The following KIF1B variants were observed in gnomAD, a reference collection of about 807,000 sequenced individuals.
The protein encoded by KIF1B is kinesin-like protein KIF1B.
In KIF1B, 76 loss-of-function variants were observed where a neutral mutation model predicts 241.9. The observed-to-expected ratio is 0.31, with a 90% confidence interval of 0.26 to 0.38. KIF1B has a LOEUF of 0.38. Ranked by LOEUF, KIF1B falls within the 10% of genes least tolerant of loss-of-function variation. KIF1B has a pLI of 1.00. For missense variants in KIF1B, 1,622 were observed against 2,271.4 expected (o/e 0.71, Z 5.81); for synonymous variants, 750 against 796.7 (o/e 0.94, Z 0.99).
At chr1:10,305,408 GAC>G in intron 22 of KIF1B, 1 of 1,054,442 alleles carries the variant, frequency 9.5e-7, no homozygotes, top group Non-Finnish European at 1.1e-6. Context: ...TGTATCATTT[GAC>G]ACACATGCAC....
At chr1:10,286,134 G>C (rs758437129) in intron 15 of KIF1B, among the ~76,000 whole-genome samples, 3 of 151,968 alleles carry the variant, frequency 2.0e-5, no homozygotes, top group Non-Finnish European at 2.9e-5. Context: ...CCGCCTCCCA[G>C]GTTCAAGCAA....
At chr1:10,357,779 C>T (rs138203138) in intron 38 of KIF1B, among the ~76,000 whole-genome samples, 1,795 of 151,878 alleles carry the variant, frequency 0.012, 36 homozygotes, top group African/African-American at 0.04. Flanking sequence ...GAGGCCGAGG[C>T]GGGTGGATCA....
chr1:10,278,293 A>G (rs946406459), intron 13 of KIF1B, among the ~76,000 whole-genome samples, 165 bp downstream of exon 13: 4 of 152,206 alleles, frequency 2.6e-5, no homozygotes, highest in Non-Finnish European at 5.9e-5. Context: ...AAAAAACCCA[A>G]TGGAAATGAT....
intron 22 of KIF1B, among the ~76,000 whole-genome samples, chr1:10,316,437 GT>G (rs1557709793): frequency 6.6e-6 from 1 of 151,418 alleles, no homozygotes; most frequent in Non-Finnish European, 1.5e-5. Flanking sequence ...ACTTTGGATC[GT>G]ATGCATATCC....
intron 7 of KIF1B, among the ~76,000 whole-genome samples, chr1:10,270,076 T>C (rs570285478): frequency 7.2e-5 from 11 of 152,338 alleles, no homozygotes; most frequent in Admixed American, 3.9e-4. Flanking sequence ...TACAGTGTTA[T>C]TGAGGTATTA....
At chr1:10,362,421 A>G (rs545069599) in intron 40 of KIF1B, among the ~76,000 whole-genome samples, 15 of 151,752 alleles carry the variant, frequency 9.9e-5, no homozygotes, top group African/African-American at 3.6e-4. Context: ...GGTTGCAGTG[A>G]GCCATGATAG....
chr1:10,322,228 A>G (rs1651552037), intron 24 of KIF1B, among the ~76,000 whole-genome samples: 3 of 152,070 alleles, frequency 2.0e-5, no homozygotes, highest in Admixed American at 2.0e-4. Context: ...TTTGCCATTG[A>G]TCTGCTTCTC....
intron 1 of KIF1B, among the ~76,000 whole-genome samples, chr1:10,215,409 CAGG>C (rs1646755890): frequency 1.3e-5 from 2 of 151,542 alleles, no homozygotes; most frequent in African/African-American, 4.9e-5. Flanking sequence ...CTCCCGACCT[CAGG>C]TGATCCACCC....
At position 10,339,869 on chromosome 1, in the gene KIF1B, A is replaced by C. The variant is rs773664561; in HGVS notation, c.3513+10A>C. ...TTATCATGTGCAGAATGTAAGTGAC[A>C]TGGACCTTTTTGCCAAACATATGTT... On this transcript the variant is annotated intron_variant, in intron 32 of 48. Transcript: ENST00000676179. The C allele has an allele frequency of 6.2e-7, 1 of 1,611,266 alleles. No individual in the cohort carries two copies. Among genetic ancestry groups the C allele is most frequent in the Non-Finnish European group, 8.5e-7 (1 of 1,177,438 alleles).
chr1:10,218,328 T>C (rs1646795806), intron 1 of KIF1B, among the ~76,000 whole-genome samples: 2 of 152,172 alleles, frequency 1.3e-5, no homozygotes, highest in South Asian at 2.1e-4. Context: ...AACTTTTGGC[T>C]ACTTCTGTTT....
At position 10,377,212 on chromosome 1, in the gene KIF1B, T is replaced by C. The variant is rs1351487618; in HGVS notation, c.*625T>C. On this transcript the variant is annotated 3_prime_UTR_variant, in exon 49 of 49. Transcript: ENST00000676179. ...TTCAGGGAAAAGGTGGTAGTGAGCA[T>C]AGAACTGCAACAGTTATATTCTGAG... The C allele has an allele frequency of 4.2e-6, 1 of 235,502 alleles. No homozygotes were observed. 14.6% of individuals were successfully genotyped at this position (235,502 alleles called of 1,614,324 possible).
rs1033483254 is a variant in KIF1B at position 10,337,982 on chromosome 1, A to G, written c.3422+449A>G. ...AATTCTACATCAACTGAAAAAAGCTAGTATGTAGGGAAGATGTGATACCTC... is the reference window on the plus strand; with the variant it reads ...AATTCTACATCAACTGAAAAAAGCTGGTATGTAGGGAAGATGTGATACCTC... On this transcript the variant is annotated intron_variant, in intron 31 of 48. Coordinates refer to ENST00000676179, the MANE Select transcript of KIF1B (RefSeq NM_001365951.3). The surrounding 1 kb of genome is among the most constrained non-coding windows in gnomAD (Gnocchi z 4.0). Among the ~76,000 whole-genome samples the G allele has an allele frequency of 1.3e-5, 2 of 152,218 alleles. No individual in the cohort carries two copies. The highest frequency in any genetic ancestry group is 4.8e-5 in the African/African-American group (2 of 41,462).
At chr1:10,343,487 G>A (rs1013762975) in intron 34 of KIF1B, among the ~76,000 whole-genome samples, 200 bp downstream of exon 34, 4 of 152,190 alleles carry the variant, frequency 2.6e-5, no homozygotes, top group Admixed American at 6.5e-5. Flanking sequence ...GCTGGGCGCG[G>A]TGGCTCATGC....
chr1:10,280,823 T>C (rs1396651783), intron 14 of KIF1B, among the ~76,000 whole-genome samples: 1 of 152,190 alleles, frequency 6.6e-6, no homozygotes, highest in African/African-American at 2.4e-5. Flanking sequence ...GCTGCGGCAT[T>C]TCCTGAAAGA....
chr1:10,232,553 T>C, intron 2 of KIF1B, 119 bp downstream of exon 2: 1 of 738,434 alleles, frequency 1.4e-6, no homozygotes, highest in Non-Finnish European at 2.4e-6. Context: ...ACTTTGCTAT[T>C]CTGAATGATC....
chr1:10,358,695 A>C (rs934445069), intron 38 of KIF1B, among the ~76,000 whole-genome samples: 6 of 152,002 alleles, frequency 3.9e-5, no homozygotes, highest in South Asian at 2.1e-4. Context: ...AAAAAAAAAA[A>C]AAAAAACAGA....
In KIF1B at chr1:10,304,563, C is replaced by G. The variant is rs538314849; in HGVS notation, c.2115+7317C>G. Reference sequence around the variant, plus strand: ...AGAAGCAGACTGACAAACCCAGCCACTGTAGCCAGTTTGTGACACCTCCGC... The same window carrying G: ...AGAAGCAGACTGACAAACCCAGCCAGTGTAGCCAGTTTGTGACACCTCCGC... On this transcript the variant is annotated intron_variant, in intron 22 of 48. Coordinates refer to ENST00000676179, the MANE Select transcript of KIF1B (RefSeq NM_001365951.3). 30 of 1,614,132 alleles carry G rather than the reference C, an allele frequency of 1.9e-5. 1 individual carries two copies. The South Asian group carries it at 3.0e-4, about 16-fold the overall frequency.
rs111562552 is a variant in KIF1B, at chr1:10,326,469, T to C, written c.2924+110T>C. On this transcript the variant is annotated intron_variant, in intron 27 of 48. Transcript: ENST00000676179. This position sits in a 1 kb window ranked among gnomAD's most constrained non-coding sequence, Gnocchi z 5.2. ...TGCATTAGCCAATTCAACTCATGAA[T>C]GCTCTTTTTCAAGTTCTCCAATACT... 59 of 1,386,656 alleles carry C rather than the reference T, an allele frequency of 4.3e-5. No homozygotes were observed. The highest frequency in any genetic ancestry group is 5.7e-5 in the Non-Finnish European group (56 of 984,152). 85.9% of individuals were successfully genotyped at this position (1,386,656 alleles called of 1,614,324 possible). A position where few individuals can be genotyped will look rare whatever the true frequency, so the allele number is the denominator to read the frequency against.
rs1435753263 is a variant in KIF1B, at chr1:10,303,026, T to G, written c.2115+5780T>G. The G allele has an allele frequency of 9.6e-7, 1 of 1,038,500 alleles. No homozygotes were observed. Among genetic ancestry groups the G allele is most frequent in the Non-Finnish European group, 1.4e-6 (1 of 723,524 alleles). The allele number at this position is 1,038,500 out of a possible 1,614,324, so 64.3% of individuals were successfully genotyped here. On this transcript the variant is annotated intron_variant, in intron 22 of 48. Coordinates refer to ENST00000676179, the MANE Select transcript of KIF1B (RefSeq NM_001365951.3). The surrounding 1 kb of genome is among the most constrained non-coding windows in gnomAD (Gnocchi z 5.2). ...TGAGGGGTTTTTTTTGGTTTTGTTT[T>G]GTTTTTTAGTTTTTTTGGTCTTATT...
Sources: allele counts gnomAD v4.1 joint callset (sites outside exome capture counted in the v4.1 genomes callset), GRCh38; gene constraint gnomAD v4.1.1; non-coding constraint Gnocchi (gnomAD v3.1); transcripts MANE v1.5; gene names NCBI Gene and HGNC (gene_info 2026-07-23, HGNC 2026-07-21).